Variants in VXN observed in about 807,000 individuals in gnomAD.
VXN encodes vexin.
Under a neutral mutation model 23.1 loss-of-function variants are expected in VXN, and 7 were observed. The ratio of observed to expected loss-of-function variants is 0.30; its 90% confidence interval spans 0.17 to 0.57. The LOEUF (loss-of-function observed/expected upper bound fraction) is 0.57. Among genes scored for constraint, VXN ranks in the 20% least tolerant of loss-of-function variants. VXN has a pLI of 0.91. For synonymous variants in VXN, 120 were observed against 105.8 expected (o/e 1.13, Z -0.83); for missense variants, 238 against 272.6 (o/e 0.87, Z 0.89).
At chr8:66,504,495 A>T (rs961112785) in intron 2 of VXN, among the ~76,000 whole-genome samples, 2 of 150,416 alleles carry the variant, frequency 1.3e-5, no homozygotes, top group Non-Finnish European at 3.0e-5. Context: ...CCCCTTCACG[A>T]CTCTCCATAG....
At chr8:66,498,119 GATT>G (rs1470790890) in intron 2 of VXN, among the ~76,000 whole-genome samples, 1 of 148,626 alleles carries the variant, frequency 6.7e-6, no homozygotes, top group Non-Finnish European at 1.5e-5. Flanking sequence ...AGTGAGCCAA[GATT>G]ATGCCACTGC....
intron 2 of VXN, among the ~76,000 whole-genome samples, chr8:66,499,412 T>C (rs893585467): frequency 6.6e-6 from 1 of 151,930 alleles, no homozygotes; most frequent in Admixed American, 6.6e-5. Context: ...TTTGTACTTT[T>C]AGTAGAGACA....
intron 3 of VXN, among the ~76,000 whole-genome samples, chr8:66,508,374 A>G (rs1318008467): frequency 6.6e-6 from 1 of 152,078 alleles, no homozygotes; most frequent in African/African-American, 2.4e-5. Context: ...AGAGAGGTCC[A>G]CTTGGAGCAG....
intron 3 of VXN, among the ~76,000 whole-genome samples, chr8:66,505,798 T>A (rs568561794): frequency 4.0e-5 from 6 of 151,820 alleles, no homozygotes; most frequent in Admixed American, 1.3e-4. Context: ...TTATCTAATC[T>A]TTTTTTTCTT....
chr8:66,504,735 AC>A, intron 2 of VXN, among the ~76,000 whole-genome samples: 1 of 152,300 alleles, frequency 6.6e-6, no homozygotes, highest in East Asian at 1.9e-4. Flanking sequence ...GCACAGAACC[AC>A]ACACAGTGGA....
intron 2 of VXN, among the ~76,000 whole-genome samples, chr8:66,497,204 A>C (rs1807637031): frequency 6.6e-6 from 1 of 152,132 alleles, no homozygotes. Flanking sequence ...CTTTTGGATT[A>C]ATTCCTCAGA....
intron 4 of VXN, among the ~76,000 whole-genome samples, chr8:66,512,196 C>T (rs1807832049): frequency 6.6e-6 from 1 of 152,162 alleles, no homozygotes; most frequent in Admixed American, 6.5e-5. Context: ...GGAGAGCAAT[C>T]CAGGGCCCAC....
chr8:66,510,817 T>C (rs1009965853), intron 4 of VXN, among the ~76,000 whole-genome samples: 3 of 152,130 alleles, frequency 2.0e-5, no homozygotes. Context: ...AGGGCACTGA[T>C]CTTATCATAG....
intron 4 of VXN, among the ~76,000 whole-genome samples, chr8:66,511,285 T>C (rs1807821520): frequency 6.6e-6 from 1 of 152,148 alleles, no homozygotes; most frequent in Non-Finnish European, 1.5e-5. Context: ...CCTAGACTCT[T>C]TGAGTATCCG....
At chr8:66,496,578 C>T (rs1478316383) in intron 2 of VXN, 86 bp downstream of exon 2, 4 of 1,242,468 alleles carry the variant, frequency 3.2e-6, no homozygotes, top group South Asian at 1.2e-5. Context: ...CGCTCCCCAG[C>T]TCTCAGTGGC....
intron 2 of VXN, among the ~76,000 whole-genome samples, chr8:66,504,026 G>C (rs79445490): frequency 6.6e-6 from 1 of 152,174 alleles, no homozygotes; most frequent in Non-Finnish European, 1.5e-5. Context: ...ACTGTCCCCA[G>C]TCGCGACCTG....
At chr8:66,499,221 GTT>G (rs759637693) in intron 2 of VXN, among the ~76,000 whole-genome samples, 14,308 of 109,316 alleles carry the variant, frequency 0.13, 512 homozygotes, top group South Asian at 0.17. Flanking sequence ...TATTGGGTTG[GTT>G]TTTTTTTTTT....
In VXN at chr8:66,515,876, T is replaced by C; in HGVS notation, c.441-17T>C. On this transcript the variant is annotated splice_polypyrimidine_tract_variant and intron_variant, in intron 5 of 5. Coordinates refer to ENST00000305454, the MANE Select transcript of VXN (RefSeq NM_152765.4). ...TGAGCAGACCACCCTCCCCACCCACTCCTGGCTTTTCTTTAGATCCAGACA... is the reference window on the plus strand; with the variant it reads ...TGAGCAGACCACCCTCCCCACCCACCCCTGGCTTTTCTTTAGATCCAGACA... 6.4e-7 allele frequency: 1 copy of C among 1,557,878 alleles called. No individual in the cohort carries two copies. Among genetic ancestry groups the C allele is most frequent in the Non-Finnish European group, 8.7e-7 (1 of 1,152,510 alleles).
chr8:66,502,242 T>C (rs1006082335), intron 2 of VXN, among the ~76,000 whole-genome samples: 3 of 152,168 alleles, frequency 2.0e-5, no homozygotes, highest in African/African-American at 7.2e-5. Context: ...CCCACTATCA[T>C]AGGAGTAACT....
At chr8:66,510,212 T>C (rs1807806492) in intron 4 of VXN, 55 bp downstream of exon 4, 2 of 1,383,546 alleles carry the variant, frequency 1.4e-6, no homozygotes, top group East Asian at 2.3e-5. Context: ...CTTCTGGTCA[T>C]GTCTGATTCT....
intron 1 of VXN, among the ~76,000 whole-genome samples, chr8:66,495,485 C>T (rs1807615964): frequency 6.6e-6 from 1 of 152,192 alleles, no homozygotes; most frequent in African/African-American, 2.4e-5. Flanking sequence ...ATATATAAAG[C>T]ATCTAGAACA....
At chr8:66,494,956 C>A (rs9657084) in intron 1 of VXN, 27,609 of 152,170 alleles carry the variant, frequency 0.18, 3,131 homozygotes, top group African/African-American at 0.31. Context: ...AGATGTATGC[C>A]TGTGAACATA....
chr8:66,510,306 C>G (rs1306625015), intron 4 of VXN, 149 bp downstream of exon 4: 1 of 650,820 alleles, frequency 1.5e-6, no homozygotes, highest in African/African-American at 1.9e-5. Context: ...TCTTTGCTCC[C>G]AAAAGCTCTC....
At chr8:66,512,331 T>G (rs1197037306) in intron 4 of VXN, among the ~76,000 whole-genome samples, 2 of 152,120 alleles carry the variant, frequency 1.3e-5, no homozygotes, top group African/African-American at 4.8e-5. Flanking sequence ...GCCCATGGCA[T>G]AATGGGAAGG....
Sources: gnomAD v4.1 joint callset for allele counts (sites outside exome capture counted in the v4.1 genomes callset) on GRCh38, gnomAD v4.1.1 for gene constraint, MANE v1.5 for transcripts, NCBI Gene and HGNC (gene_info 2026-07-23, HGNC 2026-07-21) for gene names.